Variants in IGLON5 observed in about 807,000 individuals in gnomAD.
IGLON5 encodes the protein IgLON family member 5, also known as Ig-like domain-containing protein ENSP00000270642.
In IGLON5, 16 loss-of-function variants were observed where a neutral mutation model predicts 38.2. The ratio of observed to expected loss-of-function variants is 0.42; its 90% CI spans 0.28 to 0.64. The LOEUF is 0.64. Ranked by LOEUF, IGLON5 falls within the 30% of genes least tolerant of loss-of-function variation. IGLON5 has a pLI of 0.23. For synonymous variants in IGLON5, 207 were observed against 216.4 expected, an observed-to-expected ratio of 0.96 and a Z score of 0.38; for missense variants, 366 against 483.4, an observed-to-expected ratio of 0.76 and a Z score of 2.28.
rs1309283316 is a variant in IGLON5 at position 51,311,803 on chromosome 19, A to G, written c.-45A>G. 75 of 261,364 alleles carry G rather than the reference A, an allele frequency of 2.9e-4. No individual in the cohort carries two copies. The highest frequency in any genetic ancestry group is 8.1e-5 in the Non-Finnish European group (13 of 160,866). The allele number at this position is 261,364 out of a possible 1,614,324, so 16.2% of individuals were successfully genotyped here. ...TCCCCCCAGGCCTCGCGCGCCCCGG[A>G]CCGGCCCCCCCTTTCCCCTCCCCCT... is the stretch of plus-strand genomic sequence containing the variant. On this transcript the variant is annotated 5_prime_UTR_variant, in exon 1 of 8. Coordinates refer to ENST00000270642, the MANE Select transcript of IGLON5 (RefSeq NM_001101372.3).
Position 51,327,984 on chromosome 19 carries a change from A to G in IGLON5, c.922+98A>G. The G allele has an allele frequency of 8.0e-7, 1 of 1,254,190 alleles. No homozygotes were observed. The highest frequency in any genetic ancestry group is 1.1e-6 in the Non-Finnish European group (1 of 941,232). The allele number at this position is 1,254,190 out of a possible 1,614,324, so 77.7% of individuals were successfully genotyped here. ...GGGACCGCCCTTCAGGCTGGCCCTGAACTTAGGAGATGGACGCTGAGACTG... is the reference window on the plus strand; with the variant it reads ...GGGACCGCCCTTCAGGCTGGCCCTGGACTTAGGAGATGGACGCTGAGACTG... On this transcript the variant is annotated intron_variant, in intron 7 of 7. Coordinates refer to ENST00000270642, the MANE Select transcript of IGLON5 (RefSeq NM_001101372.3). The surrounding 1 kb of genome is among the most constrained non-coding windows in gnomAD (Gnocchi z 7.1).
rs887156073 is a variant in IGLON5 at position 51,318,961 on chromosome 19, G to A, written c.80-3103G>A. Among the ~76,000 whole-genome samples, 8 of 152,258 alleles carry A rather than the reference G, an allele frequency of 5.3e-5. No individual in the cohort carries two copies. In the East Asian group the frequency reaches 5.8e-4, roughly 11 times the overall value. ...GGGGGTGTGTGATTTTGCCCCTTAC[G>A]GGGCATCTGACAATGTCTGGAGGCA... is the stretch of plus-strand genomic sequence containing the variant. On this transcript the variant is annotated intron_variant, in intron 1 of 7. Transcript: ENST00000270642.
rs371766398 is a variant in IGLON5, at chr19:51,327,689, G to A, written c.768-43G>A. ...AGCCTGAGAGTCGGGGGGCTGGCCT[G>A]GCTGGGCGCTGCGGCCCGGCCCCTG... On this transcript the variant is annotated intron_variant, in intron 6 of 7. Coordinates refer to ENST00000270642, the MANE Select transcript of IGLON5 (RefSeq NM_001101372.3). The surrounding 1 kb of genome is among the most constrained non-coding windows in gnomAD (Gnocchi z 7.1). The A allele has an allele frequency of 5.4e-5, 83 of 1,542,306 alleles. No individual in the cohort carries two copies. The highest frequency in any genetic ancestry group is 6.3e-5 in the Non-Finnish European group (72 of 1,149,768).
intron 2 of IGLON5, among the ~76,000 whole-genome samples, chr19:51,322,397 C>A (rs111621366): frequency 0.012 from 1,796 of 150,928 alleles, 36 homozygotes; most frequent in African/African-American, 0.039. Context: ...GAGAGAGGGA[C>A]AGAGACCCAG....
At position 51,330,187 on chromosome 19, in the gene IGLON5, A is replaced by G; in HGVS notation, c.*1428A>G. Reference sequence around the variant, plus strand: ...GGGCAAGGCGCAGTGACTGTACCTCAGACGGGGGCATGGGCCCCATCCCAC... The same window carrying G: ...GGGCAAGGCGCAGTGACTGTACCTCGGACGGGGGCATGGGCCCCATCCCAC... On this transcript the variant is annotated 3_prime_UTR_variant, in exon 8 of 8. Transcript: ENST00000270642. 1 of 150,450 alleles carries G rather than the reference A, an allele frequency of 6.6e-6. No individual in the cohort carries two copies. The highest frequency in any genetic ancestry group is 2.4e-5 in the African/African-American group (1 of 41,128). The allele number at this position is 150,450 out of a possible 1,614,324, so 9.3% of individuals were successfully genotyped here.
Position 51,311,894 on chromosome 19 carries a change from C to T in IGLON5, c.47C>T (p.Ala16Val), listed in dbSNP as rs774002619. 48 of 1,366,538 alleles carry T rather than the reference C, an allele frequency of 3.5e-5. No homozygotes were observed. The highest frequency in any genetic ancestry group is 2.5e-4 in the South Asian group (15 of 60,028). The allele number at this position is 1,366,538 out of a possible 1,614,324, so 84.7% of individuals were successfully genotyped here. A position where few individuals can be genotyped will look rare whatever the true frequency, so the allele number is the denominator to read the frequency against. Residue 16 changes from alanine (A) to valine (V), a missense_variant, in exon 1 of 8, where the codon GCC becomes GTC. Physicochemically the swap from Ala to Val is moderately conservative, Grantham distance 64. Coordinates refer to ENST00000270642, the MANE Select transcript of IGLON5 (RefSeq NM_001101372.3). ...GCCCGGCTCCGGCTTCTCGCCGCCG[C>T]CGCCCTGGCCGGCTTGGCCGTCATC... is the stretch of plus-strand genomic sequence containing the variant. ...PGARLRLLAAAALAGLAVISR... is the reference protein window; with the variant it reads ...PGARLRLLAAVALAGLAVISR...
rs779258029 is a variant in IGLON5, at chr19:51,323,726, G to A, written c.223G>A (p.Gly75Ser). Residue 75 changes from glycine to serine, a missense_variant, in exon 3 of 8, where the codon GGC becomes AGC. By Grantham distance (56) the Gly-to-Ser change is moderately conservative. Transcript: ENST00000270642. Reference sequence around the variant, plus strand: ...GAACCGCTCCAACATCCTGTATGCCGGCAATGACCGCTGGACCAGCGACCC... The same window carrying A: ...GAACCGCTCCAACATCCTGTATGCCAGCAATGACCGCTGGACCAGCGACCC... ...WLNRSNILYA[G>S]NDRWTSDPRV... The A allele has an allele frequency of 1.2e-5, 20 of 1,613,848 alleles. No individual in the cohort carries two copies. Among genetic ancestry groups the A allele is most frequent in the East Asian group, 2.2e-5 (1 of 44,888 alleles).
chr19:51,322,320 C>T (rs540419621), intron 2 of IGLON5, among the ~76,000 whole-genome samples, 178 bp downstream of exon 2: 1 of 152,170 alleles, frequency 6.6e-6, no homozygotes, highest in East Asian at 1.9e-4. Context: ...TTCAGTGTCC[C>T]CATCTGTCAA....
At chr19:51,315,713 T>TG (rs370310129) in intron 1 of IGLON5, among the ~76,000 whole-genome samples, 1,925 of 95,910 alleles carry the variant, frequency 0.02, 133 homozygotes, top group South Asian at 0.044. Flanking sequence ...TTTTTTTTTT[T>TG]GAGACAGAGT....
intron 1 of IGLON5, among the ~76,000 whole-genome samples, chr19:51,319,314 TGTG>T (rs1984999272): frequency 6.6e-6 from 1 of 152,034 alleles, no homozygotes. Flanking sequence ...CGTGTGTGTG[TGTG>T]TGTGTGTGTG....
At chr19:51,318,528 A>G (rs1208040414) in intron 1 of IGLON5, among the ~76,000 whole-genome samples, 1 of 151,932 alleles carries the variant, frequency 6.6e-6, no homozygotes, top group African/African-American at 2.4e-5. Flanking sequence ...AGGATAGCCC[A>G]GGAGTTCGAA....
chr19:51,326,022 C>T (rs1985209017), intron 4 of IGLON5, among the ~76,000 whole-genome samples: 1 of 152,130 alleles, frequency 6.6e-6, no homozygotes, highest in Non-Finnish European at 1.5e-5. Flanking sequence ...TCAAGGTTAC[C>T]CACAAACGGC....
At chr19:51,323,595 C>T in intron 2 of IGLON5, 67 bp from the exon 3 acceptor site, 1 of 1,397,258 alleles carries the variant, frequency 7.2e-7, no homozygotes, top group Admixed American at 2.0e-5. Flanking sequence ...TCCCACCCAC[C>T]CCCTCGGTGG....
At chr19:51,313,641 C>T (rs1049618689) in intron 1 of IGLON5, among the ~76,000 whole-genome samples, 2,718 of 82,446 alleles carry the variant, frequency 0.033, 238 homozygotes, top group African/African-American at 0.25. Flanking sequence ...TTCTCTCTCT[C>T]TCTCTTTTTC....
chr19:51,327,835 T>A lies in IGLON5; in HGVS notation c.871T>A (p.Cys291Ser). The change falls in exon 7 of 8, where the codon TGT (cysteine) becomes AGT (serine). Residue 291 changes from cysteine to serine, a missense_variant. By Grantham distance (112) the Cys-to-Ser change is moderately radical. Transcript: ENST00000270642. The surrounding 1 kb of genome is among the most constrained non-coding windows in gnomAD (Gnocchi z 7.1). ...CGCCCGGCATTACGGCAACTATACG[T>A]GTCGCGCCGCCAACCGACTGGGAGC... ...VSARHYGNYT[C>S]RAANRLGASS... 6.5e-7 allele frequency: 1 copy of A among 1,547,316 alleles called. No individual in the cohort carries two copies. Among genetic ancestry groups the A allele is most frequent in the Non-Finnish European group, 8.7e-7 (1 of 1,146,258 alleles).
In IGLON5 at chr19:51,327,208, C is replaced by A; in HGVS notation, c.767+8C>A. ...GTACAAGGATGACAGACTGTGAGGA[C>A]AGCACTGAGGGGGCCGTGGGAGCGG... On this transcript the variant is annotated splice_region_variant and intron_variant, in intron 6 of 7. Transcript: ENST00000270642. This position sits in a 1 kb window ranked among gnomAD's most constrained non-coding sequence, Gnocchi z 7.1. The A allele has an allele frequency of 6.2e-7, 1 of 1,609,908 alleles. No homozygotes were observed. The highest frequency in any genetic ancestry group is 8.5e-7 in the Non-Finnish European group (1 of 1,178,348).
Position 51,326,760 on chromosome 19 carries a change from A to C in IGLON5, c.512-4A>C, listed in dbSNP as rs1423157313. On this transcript the variant is annotated splice_polypyrimidine_tract_variant and splice_region_variant and intron_variant, in intron 4 of 7. Transcript: ENST00000270642. ...CCGCCCCCTCCTCCTCCTTCCCCCC[A>C]CAGACGGCTTCACCTCGGAGGGAGA... 6.5e-7 allele frequency: 1 copy of C among 1,544,794 alleles called. No homozygotes were observed. The highest frequency in any genetic ancestry group is 2.5e-5 in the East Asian group (1 of 40,680).
At chr19:51,322,594 C>T (rs1202559262) in intron 2 of IGLON5, among the ~76,000 whole-genome samples, 1 of 44,110 alleles carries the variant, frequency 2.3e-5, no homozygotes, top group African/African-American at 1.0e-4. Flanking sequence ...CTCTCTCTCT[C>T]GCTTGCTCTC....
In IGLON5 at chr19:51,327,980, C is replaced by T. The variant is rs1295977024; in HGVS notation, c.922+94C>T. On this transcript the variant is annotated intron_variant, in intron 7 of 7. Coordinates refer to ENST00000270642, the MANE Select transcript of IGLON5 (RefSeq NM_001101372.3). The surrounding 1 kb of genome is among the most constrained non-coding windows in gnomAD (Gnocchi z 7.1). ...CGCCGGGACCGCCCTTCAGGCTGGCCCTGAACTTAGGAGATGGACGCTGAG... is the reference window on the plus strand; with the variant it reads ...CGCCGGGACCGCCCTTCAGGCTGGCTCTGAACTTAGGAGATGGACGCTGAG... 1.5e-6 allele frequency: 2 copies of T among 1,326,760 alleles called. No individual in the cohort carries two copies. The highest frequency in any genetic ancestry group is 2.0e-6 in the Non-Finnish European group (2 of 1,006,188). The allele number at this position is 1,326,760 out of a possible 1,614,324, so 82.2% of individuals were successfully genotyped here.
Sources: allele counts gnomAD v4.1 joint callset (sites outside exome capture counted in the v4.1 genomes callset), GRCh38; gene constraint gnomAD v4.1.1; non-coding constraint Gnocchi (gnomAD v3.1); transcripts MANE v1.5; gene names NCBI Gene and HGNC (gene_info 2026-07-23, HGNC 2026-07-21).